DNAJC5B: variants seen among roughly 807,000 people sequenced by gnomAD.
DNAJC5B encodes DnaJ heat shock protein family (Hsp40) member C5 beta.
In DNAJC5B, 23 loss-of-function variants were observed where a neutral mutation model predicts 24.7. The observed-to-expected ratio is 0.93, with a 90% CI of 0.67 to 1.32. The LOEUF (loss-of-function observed/expected upper bound fraction) is 1.32, where lower values mean the gene tolerates loss of function less well. DNAJC5B is among the 40% of genes most tolerant of loss of function. The pLI is 0.00. For missense variants in DNAJC5B, 238 were observed against 240.8 expected, an observed-to-expected ratio of 0.99 and a Z score of 0.08; for synonymous variants, 101 against 90.1, an observed-to-expected ratio of 1.12 and a Z score of -0.68.
upstream of DNAJC5B, among the ~76,000 whole-genome samples, chr8:66,019,320 T>C (rs953064977): frequency 3.9e-5 from 6 of 152,224 alleles, no homozygotes; most frequent in African/African-American, 1.4e-4. Context: ...TATATCTAAC[T>C]GTGATTTGGG....
chr8:66,023,057 A>G (rs896059506), intron 1 of DNAJC5B, among the ~76,000 whole-genome samples: 8 of 152,198 alleles, frequency 5.3e-5, no homozygotes, highest in Non-Finnish European at 1.2e-4. Flanking sequence ...CCTGTCGCAT[A>G]CTGCAGAATT....
At chr8:66,086,047 A>G (rs1245937315) in intron 5 of DNAJC5B, among the ~76,000 whole-genome samples, 2 of 152,146 alleles carry the variant, frequency 1.3e-5, no homozygotes, top group Non-Finnish European at 2.9e-5. Flanking sequence ...TTCATTTTGG[A>G]GAGAGCTATT....
chr8:66,017,030 T>C (rs1805972267), upstream of DNAJC5B, among the ~76,000 whole-genome samples: 1 of 152,128 alleles, frequency 6.6e-6, no homozygotes, highest in South Asian at 2.1e-4. Context: ...TGGGTTCTTG[T>C]TCCTATATAT....
intron 4 of DNAJC5B, among the ~76,000 whole-genome samples, chr8:66,079,216 C>T (rs971767968): frequency 6.6e-6 from 1 of 152,088 alleles, no homozygotes; most frequent in Non-Finnish European, 1.5e-5. Context: ...TTATTTATTA[C>T]TTTATACAAT....
intron 5 of DNAJC5B, 27 bp downstream of exon 5, chr8:66,080,575 T>C: frequency 6.4e-7 from 1 of 1,559,168 alleles, no homozygotes; most frequent in South Asian, 1.2e-5. Flanking sequence ...GCAGAGGTAG[T>C]GAGTGTCCAT....
intron 5 of DNAJC5B, among the ~76,000 whole-genome samples, chr8:66,095,901 G>T (rs1017112530): frequency 2.0e-5 from 3 of 152,022 alleles, no homozygotes; most frequent in African/African-American, 7.2e-5. Flanking sequence ...AATGTCTTAG[G>T]ACTTGCTGTA....
At chr8:66,058,097 T>G (rs572083237) in intron 3 of DNAJC5B, 1 of 152,260 alleles carries the variant, frequency 6.6e-6, no homozygotes, top group South Asian at 2.1e-4. Flanking sequence ...TAGCCTGTAC[T>G]TTGTATTCCC....
intron 2 of DNAJC5B, among the ~76,000 whole-genome samples, chr8:66,044,035 C>G (rs956364437): frequency 3.9e-5 from 6 of 152,082 alleles, no homozygotes; most frequent in Non-Finnish European, 7.4e-5. Context: ...GTTGGCCAGG[C>G]TGGTCTGGAA....
intron 2 of DNAJC5B, among the ~76,000 whole-genome samples, chr8:66,044,146 A>T (rs1806676032): frequency 6.6e-6 from 1 of 152,148 alleles, no homozygotes; most frequent in Non-Finnish European, 1.5e-5. Context: ...CAAATAAGTA[A>T]TCCTGCTAGG....
intron 1 of DNAJC5B, among the ~76,000 whole-genome samples, chr8:66,032,745 G>A (rs1348984329): frequency 6.6e-6 from 1 of 152,192 alleles, no homozygotes; most frequent in Non-Finnish European, 1.5e-5. Flanking sequence ...GAGCAGGCCT[G>A]GGCTTTCCCT....
intron 3 of DNAJC5B, among the ~76,000 whole-genome samples, chr8:66,067,373 A>C (rs1807243528): frequency 6.6e-6 from 1 of 152,096 alleles, no homozygotes; most frequent in Non-Finnish European, 1.5e-5. Context: ...AAGGTCCTGC[A>C]ATTTTATTGA....
At chr8:66,053,379 G>A (rs1806893951) in intron 3 of DNAJC5B, among the ~76,000 whole-genome samples, 1 of 152,104 alleles carries the variant, frequency 6.6e-6, no homozygotes, top group African/African-American at 2.4e-5. Flanking sequence ...AAACATTTAA[G>A]ATTCACCTGT....
intron 1 of DNAJC5B, among the ~76,000 whole-genome samples, chr8:66,041,917 G>A (rs981315170): frequency 2.0e-5 from 3 of 152,132 alleles, no homozygotes; most frequent in Non-Finnish European, 4.4e-5. Flanking sequence ...ACTTAAGCAC[G>A]TAGGACCTTT....
At chr8:66,048,179 C>T (rs1404317249) in intron 2 of DNAJC5B, among the ~76,000 whole-genome samples, 2 of 152,170 alleles carry the variant, frequency 1.3e-5, no homozygotes, top group African/African-American at 4.8e-5. Context: ...CTTGCTGGTA[C>T]CCTTTCCTAC....
At chr8:66,015,408 T>A in the DNAJC5B span, among the ~76,000 whole-genome samples, 1 of 152,204 alleles carries the variant, frequency 6.6e-6, no homozygotes, top group African/African-American at 2.4e-5. Flanking sequence ...GATCATTTTT[T>A]TTTTCCATTA....
chr8:66,101,172 G>A lies in DNAJC5B; in HGVS notation c.*1141G>A, dbSNP rs1380289994. ...ACCCAAAAAATTATAGTTAATTGCT[G>A]CTAAATATATATTGTAAGTGAGAAT... is the stretch of plus-strand genomic sequence containing the variant. On this transcript the variant is annotated 3_prime_UTR_variant, in exon 6 of 6. Coordinates refer to ENST00000276570, the MANE Select transcript of DNAJC5B (RefSeq NM_033105.6). 6.6e-6 allele frequency among the ~76,000 whole-genome samples: 1 copy of A among 151,994 alleles called. No individual in the cohort carries two copies. The highest frequency in any genetic ancestry group is 1.5e-5 in the Non-Finnish European group (1 of 68,016).
chr8:66,042,646 CCTT>C (rs1198596974), intron 1 of DNAJC5B, among the ~76,000 whole-genome samples: 42 of 146,746 alleles, frequency 2.9e-4, no homozygotes, highest in Middle Eastern at 3.5e-3. Flanking sequence ...TCCTTCTCCT[CCTT>C]CTTCTTCTTC....
intron 5 of DNAJC5B, among the ~76,000 whole-genome samples, chr8:66,086,586 G>C (rs1218973451): frequency 6.6e-6 from 1 of 152,148 alleles, no homozygotes; most frequent in Middle Eastern, 3.2e-3. Flanking sequence ...AACCCTCACT[G>C]GCAAGGAAGA....
intron 3 of DNAJC5B, among the ~76,000 whole-genome samples, chr8:66,060,474 C>T (rs1029423898): frequency 6.6e-6 from 1 of 152,196 alleles, no homozygotes; most frequent in African/African-American, 2.4e-5. Flanking sequence ...CCTGATGTGC[C>T]CTAACCCCGT....
Sources: allele counts gnomAD v4.1 joint callset (sites outside exome capture counted in the v4.1 genomes callset), GRCh38; gene constraint gnomAD v4.1.1; transcripts MANE v1.5; gene names NCBI Gene and HGNC (gene_info 2026-07-23, HGNC 2026-07-21).